HS6ST3: variants seen among roughly 807,000 people sequenced by gnomAD.
The protein encoded by HS6ST3 is heparan sulfate 6-O-sulfotransferase 3.
In HS6ST3, 12 loss-of-function variants were observed where a neutral mutation model predicts 36.7. The observed-to-expected ratio is 0.33, with a 90% CI of 0.21 to 0.53. The LOEUF (loss-of-function observed/expected upper bound fraction) is 0.53. Ranked by LOEUF, HS6ST3 falls within the 20% of genes least tolerant of loss-of-function variation. The pLI is 0.95. For synonymous variants in HS6ST3, 240 were observed against 257.5 expected (o/e 0.93, Z 0.65); for missense variants, 584 against 640.9 (o/e 0.91, Z 0.96).
intron 1 of HS6ST3, among the ~76,000 whole-genome samples, chr13:96,513,620 A>G (rs545848284): frequency 1.3e-5 from 2 of 152,014 alleles, no homozygotes; most frequent in Non-Finnish European, 2.9e-5. Context: ...GAACTCTTGT[A>G]TCTTTTCTTT....
intron 1 of HS6ST3, among the ~76,000 whole-genome samples, chr13:96,690,537 C>G (rs1566430645): frequency 6.6e-6 from 1 of 152,050 alleles, no homozygotes; most frequent in Non-Finnish European, 1.5e-5. Context: ...ATAAAATCAT[C>G]TCCCGGGCAT....
intron 1 of HS6ST3, among the ~76,000 whole-genome samples, chr13:96,351,469 A>G (rs1376097760): frequency 6.6e-6 from 1 of 151,960 alleles, no homozygotes; most frequent in Non-Finnish European, 1.5e-5. Context: ...ACACCACCAC[A>G]TCTGGCAAAT....
intron 1 of HS6ST3, among the ~76,000 whole-genome samples, chr13:96,147,671 T>C (rs1163889796): frequency 6.6e-6 from 1 of 152,160 alleles, no homozygotes; most frequent in African/African-American, 2.4e-5. Flanking sequence ...CACCCTGTGA[T>C]GGGATGAGAT....
At chr13:96,415,527 G>A (rs545070914) in intron 1 of HS6ST3, among the ~76,000 whole-genome samples, 52 of 152,338 alleles carry the variant, frequency 3.4e-4, no homozygotes, top group African/African-American at 1.2e-3. Flanking sequence ...GCTTAATGAA[G>A]CAGCTTAGGC....
At chr13:96,178,997 A>G (rs2054226084) in intron 1 of HS6ST3, among the ~76,000 whole-genome samples, 1 of 152,228 alleles carries the variant, frequency 6.6e-6, no homozygotes, top group Non-Finnish European at 1.5e-5. Context: ...AACATTTACT[A>G]AAACAACACA....
intron 1 of HS6ST3, among the ~76,000 whole-genome samples, chr13:96,688,926 G>T (rs776072118): frequency 1.3e-5 from 2 of 151,944 alleles, no homozygotes; most frequent in Non-Finnish European, 2.9e-5. Context: ...CTGAAATCCT[G>T]TCCTCCCAGA....
At chr13:96,774,992 A>C (rs936986317) in intron 1 of HS6ST3, among the ~76,000 whole-genome samples, 1 of 152,210 alleles carries the variant, frequency 6.6e-6, no homozygotes, top group Admixed American at 6.5e-5. Flanking sequence ...TCTCTGCAGA[A>C]ACCCTACATG....
intron 1 of HS6ST3, among the ~76,000 whole-genome samples, chr13:96,420,061 A>G (rs1319581936): frequency 6.6e-6 from 1 of 152,208 alleles, no homozygotes; most frequent in Non-Finnish European, 1.5e-5. Flanking sequence ...GTACAACCTC[A>G]TAGTTATAGC....
intron 1 of HS6ST3, among the ~76,000 whole-genome samples, chr13:96,597,242 A>C (rs2056404980): frequency 6.6e-6 from 1 of 151,958 alleles, no homozygotes; most frequent in Non-Finnish European, 1.5e-5. Context: ...AATGCATGCT[A>C]GGCTTAGTAC....
rs1205107458 is a variant in HS6ST3 at position 96,565,972 on chromosome 13, G to A, written c.708-266518G>A. On this transcript the variant is annotated intron_variant, in intron 1 of 1. Transcript: ENST00000376705. ...ATCAGGATCAGAATAAAAGGTACCT[G>A]ATGCAGGCTTATTCATACATACAAT... Among the ~76,000 whole-genome samples the A allele has an allele frequency of 9.9e-5, 15 of 152,200 alleles. No homozygotes were observed. The South Asian group carries it at 2.7e-3, about 27-fold the overall frequency.
intron 1 of HS6ST3, among the ~76,000 whole-genome samples, chr13:96,155,072 A>G (rs901307483): frequency 6.6e-6 from 1 of 152,166 alleles, no homozygotes; most frequent in Non-Finnish European, 1.5e-5. Context: ...TCATTCAGTT[A>G]TATATTGTTC....
chr13:96,099,455 T>C lies in HS6ST3; in HGVS notation c.707+7886T>C, dbSNP rs535588331. On this transcript the variant is annotated intron_variant, in intron 1 of 1. Coordinates refer to ENST00000376705, the MANE Select transcript of HS6ST3 (RefSeq NM_153456.4). ...CAAGAATGGAAACTTGCAGTCTTTT[T>C]CCCCCCCAGCATATAGTTTTATTTT... Among the ~76,000 whole-genome samples, 5 of 151,998 alleles carry C rather than the reference T, an allele frequency of 3.3e-5. No individual in the cohort carries two copies. The East Asian group carries it at 7.7e-4, about 24-fold the overall frequency.
intron 1 of HS6ST3, among the ~76,000 whole-genome samples, chr13:96,481,354 T>A (rs1482305740): frequency 6.6e-6 from 1 of 152,228 alleles, no homozygotes; most frequent in Non-Finnish European, 1.5e-5. Flanking sequence ...CTTTTCCTCC[T>A]GTGTAAGTGA....
At chr13:96,674,551 G>A (rs2056692809) in intron 1 of HS6ST3, among the ~76,000 whole-genome samples, 1 of 152,080 alleles carries the variant, frequency 6.6e-6, no homozygotes, top group African/African-American at 2.4e-5. Context: ...TAAGGGGCTA[G>A]GATTCTCCTT....
At chr13:96,254,449 AT>A (rs1234393178) in intron 1 of HS6ST3, among the ~76,000 whole-genome samples, 169 of 3,716 alleles carry the variant, frequency 0.045, 32 homozygotes, top group African/African-American at 0.059. Flanking sequence ...AAAAAAAAAA[AT>A]ATATATATAT....
intron 1 of HS6ST3, among the ~76,000 whole-genome samples, chr13:96,757,377 A>G (rs1486628961): frequency 2.0e-5 from 3 of 152,184 alleles, no homozygotes; most frequent in South Asian, 2.1e-4. Context: ...TACCACACAT[A>G]TATTATTTCT....
intron 1 of HS6ST3, among the ~76,000 whole-genome samples, chr13:96,646,371 C>A (rs2056588616): frequency 6.6e-6 from 1 of 151,936 alleles, no homozygotes; most frequent in South Asian, 2.1e-4. Flanking sequence ...CCTGAGTGAA[C>A]AGAGTCATCC....
chr13:96,477,782 A>G (rs530354526), intron 1 of HS6ST3, among the ~76,000 whole-genome samples: 316 of 152,288 alleles, frequency 2.1e-3, no homozygotes, highest in Non-Finnish European at 3.1e-3. Flanking sequence ...AGGCAGGAGA[A>G]TCTCTTAAAG....
At chr13:96,441,594 T>C (rs866847127) in intron 1 of HS6ST3, among the ~76,000 whole-genome samples, 1 of 152,176 alleles carries the variant, frequency 6.6e-6, no homozygotes, top group Non-Finnish European at 1.5e-5. Context: ...AAGCAGGTGA[T>C]TCAGAGTTCA....
Sources: gnomAD v4.1 joint callset for allele counts (sites outside exome capture counted in the v4.1 genomes callset) on GRCh38, gnomAD v4.1.1 for gene constraint, MANE v1.5 for transcripts, NCBI Gene and HGNC (gene_info 2026-07-23, HGNC 2026-07-21) for gene names.